Variants in SDK1 observed in about 807,000 individuals in gnomAD.
SDK1 encodes the protein sidekick cell adhesion molecule 1.
SDK1 carries 157 observed loss-of-function variants against 245.5 expected under a neutral mutation model. The ratio of observed to expected loss-of-function variants is 0.64; its 90% confidence interval spans 0.56 to 0.73. The LOEUF (loss-of-function observed/expected upper bound fraction) is 0.73. SDK1 is among the 30% of genes least tolerant of loss of function. The pLI is 0.00. For synonymous variants in SDK1, 1,647 were observed against 1,278.5 expected (o/e 1.29, Z -6.15); for missense variants, 3,583 against 3,002.3 (o/e 1.19, Z -4.52).
At chr7:3,474,598 T>C (rs1781295371) in intron 1 of SDK1, among the ~76,000 whole-genome samples, 1 of 152,172 alleles carries the variant, frequency 6.6e-6, no homozygotes, top group African/African-American at 2.4e-5. Flanking sequence ...TCTTGCCACC[T>C]CTACTTCCTA....
In SDK1 at chr7:4,123,773, TG is replaced by T. The variant is rs200387567; in HGVS notation, c.3824-3603del. Among the ~76,000 whole-genome samples the T allele has an allele frequency of 8.8e-3, 1,337 of 152,298 alleles. 22 individuals are homozygous for T. The highest frequency in any genetic ancestry group is 0.029 in the African/African-American group (1,225 of 41,562). The stretch of plus-strand genomic sequence containing the variant: ...GTGTTTTTATAGTGACAGGCATCAC[TG>T]GGGGTTTTCTATTTTGTGGACACAT... On this transcript the variant is annotated intron_variant, in intron 25 of 44. Transcript: ENST00000404826.
chr7:3,544,827 A>G (rs1311881362), intron 1 of SDK1, among the ~76,000 whole-genome samples: 2 of 152,208 alleles, frequency 1.3e-5, no homozygotes, highest in Non-Finnish European at 2.9e-5. Context: ...GTGTGGGTTG[A>G]GTGAGGTGTC....
intron 44 of SDK1, among the ~76,000 whole-genome samples, chr7:4,246,029 A>G (rs1184687720): frequency 6.6e-6 from 1 of 152,272 alleles, no homozygotes; most frequent in African/African-American, 2.4e-5. Context: ...CAGTCTAGAC[A>G]TTCCAAGGCT....
At chr7:4,174,575 G>A (rs1782065924) in intron 33 of SDK1, among the ~76,000 whole-genome samples, 1 of 152,164 alleles carries the variant, frequency 6.6e-6, no homozygotes, top group African/African-American at 2.4e-5. Flanking sequence ...GAGGGGCCTT[G>A]TCTACCACAG....
intron 5 of SDK1, among the ~76,000 whole-genome samples, chr7:3,918,126 C>T (rs1451161190): frequency 6.6e-6 from 1 of 152,196 alleles, no homozygotes; most frequent in African/African-American, 2.4e-5. Context: ...CCTCTCACCT[C>T]AAACTCAACA....
At chr7:3,618,947 T>C (rs1006129340) in intron 1 of SDK1, 133 bp from the exon 2 acceptor site, 2 of 705,076 alleles carry the variant, frequency 2.8e-6, no homozygotes, top group Non-Finnish European at 4.5e-6. Context: ...ATTATTTACT[T>C]CTTAATTGGG....
At chr7:3,312,175 T>C (rs1051337912) in intron 1 of SDK1, among the ~76,000 whole-genome samples, 1 of 152,188 alleles carries the variant, frequency 6.6e-6, no homozygotes, top group African/African-American at 2.4e-5. Flanking sequence ...TTAACATTTC[T>C]TATAGTGCAA....
intron 22 of SDK1, among the ~76,000 whole-genome samples, chr7:4,094,851 CAG>C (rs1477768152): frequency 1.3e-5 from 2 of 152,148 alleles, no homozygotes; most frequent in Admixed American, 1.3e-4. Context: ...AGGCTTCAGG[CAG>C]AGTCAAGCAT....
At chr7:3,574,540 G>A (rs929177672) in intron 1 of SDK1, among the ~76,000 whole-genome samples, 3 of 152,032 alleles carry the variant, frequency 2.0e-5, no homozygotes, top group Non-Finnish European at 4.4e-5. Context: ...ATGAATGCGG[G>A]AAAAACTCCT....
chr7:4,238,706 G>A lies in SDK1; in HGVS notation c.6130+922G>A, dbSNP rs767532293. ...TAGGATTACAGGCATGCATCTCCAC[G>A]CCCGGCTAATTTTGTATTTTTAATA... On this transcript the variant is annotated intron_variant, in intron 42 of 44. Transcript: ENST00000404826. Among the ~76,000 whole-genome samples, 16 of 151,640 alleles carry A rather than the reference G, an allele frequency of 1.1e-4. No individual in the cohort carries two copies. In the South Asian group the frequency reaches 1.7e-3, roughly 16 times the overall value.
chr7:3,331,627 A>G (rs1052091282), intron 1 of SDK1, among the ~76,000 whole-genome samples: 1 of 152,166 alleles, frequency 6.6e-6, no homozygotes, highest in East Asian at 1.9e-4. Context: ...TCTGATGTCC[A>G]CTTTATCTTT....
Position 4,268,009 on chromosome 7 carries a change from A to AATCACAGCC in SDK1, c.*2626_*2634dup. 1 of 985,516 alleles carries AATCACAGCC rather than the reference A, an allele frequency of 1.0e-6. No individual in the cohort carries two copies. The highest frequency in any genetic ancestry group is 1.2e-6 in the Non-Finnish European group (1 of 829,958). The allele number at this position is 985,516 out of a possible 1,614,324, so 61.0% of individuals were successfully genotyped here. A position where few individuals can be genotyped will look rare whatever the true frequency, so the allele number is the denominator to read the frequency against. Reference sequence around the variant, plus strand: ...CCTTATCTTCAGGGAAGGAAAAGAAAATCACAGCCTAGGAAGATGGAGGTT... The same window carrying AATCACAGCC: ...CCTTATCTTCAGGGAAGGAAAAGAAAATCACAGCCATCACAGCCTAGGAAGATGGAGGTT... On this transcript the variant is annotated 3_prime_UTR_variant, in exon 45 of 45. Transcript: ENST00000404826.
At chr7:3,957,528 A>C (rs1376893961) in intron 7 of SDK1, among the ~76,000 whole-genome samples, 1 of 152,148 alleles carries the variant, frequency 6.6e-6, no homozygotes, top group Admixed American at 6.5e-5. Context: ...ATCATAAGCA[A>C]ATGTTGTTGT....
intron 37 of SDK1, 42 bp from the exon 38 acceptor site, chr7:4,209,983 T>A: frequency 6.6e-7 from 1 of 1,509,852 alleles, no homozygotes; most frequent in East Asian, 2.3e-5. Context: ...ATGATCTATG[T>A]AGGAGCCCCT....
At chr7:3,630,985 G>C (rs1782271894) in intron 2 of SDK1, among the ~76,000 whole-genome samples, 1 of 152,012 alleles carries the variant, frequency 6.6e-6, no homozygotes, top group African/African-American at 2.4e-5. Context: ...GCCCAGGTTG[G>C]AGTGCAGTGG....
intron 5 of SDK1, among the ~76,000 whole-genome samples, chr7:3,914,891 G>C (rs1037752571): frequency 3.3e-5 from 5 of 152,194 alleles, no homozygotes; most frequent in Non-Finnish European, 7.4e-5. Flanking sequence ...AAAAGTCGTC[G>C]AAAGCGAGTG....
chr7:3,471,938 A>G (rs890879441), intron 1 of SDK1, among the ~76,000 whole-genome samples: 7 of 152,210 alleles, frequency 4.6e-5, no homozygotes, highest in African/African-American at 1.7e-4. Flanking sequence ...AAAATAATCA[A>G]ACTCTTTAAG....
intron 4 of SDK1, among the ~76,000 whole-genome samples, chr7:3,651,683 C>G (rs1321403507): frequency 1.3e-5 from 2 of 152,036 alleles, no homozygotes; most frequent in Admixed American, 1.3e-4. Context: ...AGAATGAGCT[C>G]CAAGTAAGAT....
Position 3,889,725 on chromosome 7 carries a change from G to C in SDK1, c.848-61198G>C, listed in dbSNP as rs145107666. On this transcript the variant is annotated intron_variant, in intron 5 of 44. Transcript: ENST00000404826. The stretch of plus-strand genomic sequence containing the variant: ...GGGTTTCATCGTGTTAGCCAGGATG[G>C]TCTCAATCTCCTGACCTCGTGATCC... Among the ~76,000 whole-genome samples the C allele has an allele frequency of 2.5e-3, 385 of 152,244 alleles. 1 individual carries two copies. The highest frequency in any genetic ancestry group is 8.9e-3 in the African/African-American group (370 of 41,542).
Sources: gnomAD v4.1 joint callset for allele counts (sites outside exome capture counted in the v4.1 genomes callset) on GRCh38, gnomAD v4.1.1 for gene constraint, MANE v1.5 for transcripts, NCBI Gene and HGNC (gene_info 2026-07-23, HGNC 2026-07-21) for gene names.